The following PRKN variants were observed in gnomAD, a reference collection of about 807,000 sequenced individuals.
PRKN encodes parkin RBR E3 ubiquitin protein ligase.
A neutral mutation model predicts 59.5 loss-of-function variants in PRKN; 56 were observed. That is an observed-to-expected ratio of 0.94 (90% CI 0.76 to 1.18). The LOEUF is 1.18. PRKN is among the 50% of genes most tolerant of loss of function. PRKN has a pLI of 0.00. For synonymous variants in PRKN, 250 were observed against 222.1 expected (o/e 1.13, Z -1.12); for missense variants, 657 against 596.4 (o/e 1.10, Z -1.06).
intron 4 of PRKN, among the ~76,000 whole-genome samples, chr6:162,167,829 C>T (rs1358561170): frequency 6.6e-6 from 1 of 152,076 alleles, no homozygotes; most frequent in African/African-American, 2.4e-5. Flanking sequence ...AGGCAAACAC[C>T]AACTGTGTTC....
chr6:161,389,482 T>C (rs1383630538), intron 9 of PRKN, among the ~76,000 whole-genome samples: 1 of 152,254 alleles, frequency 6.6e-6, no homozygotes, highest in East Asian at 1.9e-4. Context: ...ACAGCGTGTG[T>C]GCATCAGAAC....
intron 6 of PRKN, among the ~76,000 whole-genome samples, chr6:161,836,245 C>G (rs1354355318): frequency 6.6e-6 from 1 of 152,166 alleles, no homozygotes; most frequent in African/African-American, 2.4e-5. Flanking sequence ...AATTTCCACA[C>G]AGGGTCCTGA....
At chr6:162,358,702 T>A (rs932562414) in intron 2 of PRKN, among the ~76,000 whole-genome samples, 1 of 152,102 alleles carries the variant, frequency 6.6e-6, no homozygotes, top group African/African-American at 2.4e-5. Flanking sequence ...TATCATAAAG[T>A]GTCTCCTATC....
chr6:161,700,299 T>C (rs530712176), intron 7 of PRKN, among the ~76,000 whole-genome samples: 21 of 152,270 alleles, frequency 1.4e-4, no homozygotes, highest in African/African-American at 5.1e-4. Flanking sequence ...CTAACCTCTT[T>C]GATCCTGGCT....
chr6:162,591,436 T>C (rs377486065), intron 1 of PRKN, among the ~76,000 whole-genome samples: 8 of 152,192 alleles, frequency 5.3e-5, no homozygotes, highest in East Asian at 3.9e-4. Context: ...GTTACGTGCA[T>C]TGAATGTGTA....
chr6:161,964,259 A>G (rs180854846), intron 6 of PRKN, among the ~76,000 whole-genome samples: 16 of 152,194 alleles, frequency 1.1e-4, no homozygotes, highest in Admixed American at 9.2e-4. Flanking sequence ...TGGAAGCCCT[A>G]ATTATTTTAA....
At position 161,457,593 on chromosome 6, in the gene PRKN, T is replaced by G. The variant is rs1790029643; in HGVS notation, c.1084-70716A>C. ...ATGGATGGGAGGATGAATGGATGCA[T>G]GAATGAATTAATGAATGCTCTGTGA... On this transcript the variant is annotated intron_variant, in intron 9 of 11. Transcript: ENST00000366898. The surrounding 1 kb of genome is among the most constrained non-coding windows in gnomAD (Gnocchi z 5.0). Among the ~76,000 whole-genome samples the G allele has an allele frequency of 6.6e-6, 1 of 152,154 alleles. No homozygotes were observed. The highest frequency in any genetic ancestry group is 1.5e-5 in the Non-Finnish European group (1 of 68,034).
At chr6:162,073,435 G>T (rs892336186) in intron 4 of PRKN, among the ~76,000 whole-genome samples, 2 of 152,150 alleles carry the variant, frequency 1.3e-5, no homozygotes, top group African/African-American at 4.8e-5. Context: ...ATAGCTTTGG[G>T]TTTTTTTGTT....
At chr6:161,493,362 C>T (rs1037660721) in intron 9 of PRKN, among the ~76,000 whole-genome samples, 4 of 152,210 alleles carry the variant, frequency 2.6e-5, no homozygotes, top group African/African-American at 7.2e-5. Context: ...CATGAGGACA[C>T]TGGCACTCAC....
intron 2 of PRKN, among the ~76,000 whole-genome samples, chr6:162,374,156 G>T (rs900332752): frequency 2.0e-5 from 3 of 152,132 alleles, no homozygotes; most frequent in African/African-American, 7.2e-5. Flanking sequence ...CTCTCTTTAT[G>T]GTCAACCTCC....
intron 7 of PRKN, among the ~76,000 whole-genome samples, chr6:161,617,500 G>A (rs559121374): frequency 2.6e-5 from 4 of 152,248 alleles, no homozygotes; most frequent in African/African-American, 4.8e-5. Context: ...TCTACATTTC[G>A]CTATACCTTT....
At position 161,488,996 on chromosome 6, in the gene PRKN, A is replaced by G. The variant is rs1405410974; in HGVS notation, c.1083+59858T>C. Among the ~76,000 whole-genome samples, 1 of 152,152 alleles carries G rather than the reference A, an allele frequency of 6.6e-6. No homozygotes were observed. Among genetic ancestry groups the G allele is most frequent in the Non-Finnish European group, 1.5e-5 (1 of 68,010 alleles). ...ACTGTGATGACATTTCTCAGGAACGAGGCGACTAGAAGAAAAACATGAAAG... is the reference window on the plus strand; with the variant it reads ...ACTGTGATGACATTTCTCAGGAACGGGGCGACTAGAAGAAAAACATGAAAG... On this transcript the variant is annotated intron_variant, in intron 9 of 11. Coordinates refer to ENST00000366898, the MANE Select transcript of PRKN (RefSeq NM_004562.3). This position sits in a 1 kb window ranked among gnomAD's most constrained non-coding sequence, Gnocchi z 4.5.
intron 2 of PRKN, among the ~76,000 whole-genome samples, chr6:162,364,000 T>C (rs766198918): frequency 1.3e-5 from 2 of 152,198 alleles, no homozygotes; most frequent in African/African-American, 2.4e-5. Flanking sequence ...TCTGAGCCAA[T>C]TGCTTCATTC....
rs1035200306 is a variant in PRKN, at chr6:161,833,288, G to C, written c.735-47380C>G. ...TCTCCGGGTGGCCAAATGACTTCTC[G>C]TCACTGAAGTGCTTGCCCGGAGGCC... On this transcript the variant is annotated intron_variant, in intron 6 of 11. Transcript: ENST00000366898. Among the ~76,000 whole-genome samples, 6 of 152,254 alleles carry C rather than the reference G, an allele frequency of 3.9e-5. No individual in the cohort carries two copies. In the South Asian group the frequency reaches 8.3e-4, roughly 21 times the overall value.
intron 1 of PRKN, among the ~76,000 whole-genome samples, chr6:162,591,371 A>C (rs184964723): frequency 1.3e-5 from 2 of 152,028 alleles, no homozygotes; most frequent in African/African-American, 4.8e-5. Context: ...AATTTAAAAA[A>C]TTTTTCACGG....
At chr6:162,711,642 C>T (rs956324299) in intron 1 of PRKN, among the ~76,000 whole-genome samples, 2 of 152,180 alleles carry the variant, frequency 1.3e-5, no homozygotes, top group East Asian at 1.9e-4. Flanking sequence ...ATCTAGATTG[C>T]AGCAACTCAG....
chr6:162,539,000 C>T (rs996519804), intron 1 of PRKN, among the ~76,000 whole-genome samples: 1 of 152,130 alleles, frequency 6.6e-6, no homozygotes. Flanking sequence ...CACAATGTGG[C>T]GGCCTGCCAG....
intron 4 of PRKN, among the ~76,000 whole-genome samples, chr6:162,166,785 C>T (rs900052699): frequency 6.6e-6 from 1 of 152,146 alleles, no homozygotes; most frequent in Admixed American, 6.5e-5. Flanking sequence ...TAGACAGATG[C>T]TCTAGCTTCC....
At position 162,472,783 on chromosome 6, in the gene PRKN, G is replaced by A. The variant is rs1467058556; in HGVS notation, c.8-29310C>T. 6.6e-5 allele frequency among the ~76,000 whole-genome samples: 6 copies of A among 91,222 alleles called. 1 individual carries two copies. Among genetic ancestry groups the A allele is most frequent in the Non-Finnish European group, 9.8e-5 (4 of 40,936 alleles). 59.8% of individuals were successfully genotyped at this position (91,222 alleles called of 152,430 possible). ...TGGGATTACAGGTGTGAGCCACCGC[G>A]CCCGGCCCCAAACTTTTATTTTATA... On this transcript the variant is annotated intron_variant, in intron 1 of 11. Coordinates refer to ENST00000366898, the MANE Select transcript of PRKN (RefSeq NM_004562.3).
Sources: allele counts gnomAD v4.1 joint callset (sites outside exome capture counted in the v4.1 genomes callset), GRCh38; gene constraint gnomAD v4.1.1; non-coding constraint Gnocchi (gnomAD v3.1); transcripts MANE v1.5; gene names NCBI Gene and HGNC (gene_info 2026-07-23, HGNC 2026-07-21).